The following CACNG2 variants were observed in gnomAD, a reference collection of about 807,000 sequenced individuals.
CACNG2 encodes the protein voltage-dependent calcium channel gamma-2 subunit.
CACNG2 carries 3 observed loss-of-function variants against 25.9 expected under a neutral mutation model. The observed-to-expected ratio is 0.12, with a 90% CI of 0.05 to 0.30. The LOEUF is 0.30. CACNG2 is among the 10% of genes least tolerant of loss of function. The pLI, the probability that CACNG2 is intolerant of heterozygous loss-of-function variation, is 1.00. For missense variants in CACNG2, 341 were observed against 432.5 expected (o/e 0.79, Z 1.88); for synonymous variants, 167 against 173.3 (o/e 0.96, Z 0.29).
intron 1 of CACNG2, among the ~76,000 whole-genome samples, chr22:36,626,651 T>TA (rs1450518398): frequency 6.6e-6 from 1 of 152,208 alleles, no homozygotes; most frequent in Non-Finnish European, 1.5e-5. Flanking sequence ...AGGAGCTTTT[T>TA]AAAGAGTCGA....
intron 1 of CACNG2, among the ~76,000 whole-genome samples, chr22:36,634,236 G>C (rs1467803910): frequency 6.6e-6 from 1 of 152,180 alleles, no homozygotes; most frequent in Non-Finnish European, 1.5e-5. Context: ...TTTTGGTTAG[G>C]TGTGACCACA....
chr22:36,566,047 CG>C (rs1569014364), intron 3 of CACNG2, among the ~76,000 whole-genome samples: 1 of 152,170 alleles, frequency 6.6e-6, no homozygotes, highest in African/African-American at 2.4e-5. Context: ...TTACTTGCAC[CG>C]GGAAGGGAAA....
intron 1 of CACNG2, among the ~76,000 whole-genome samples, chr22:36,587,974 C>A (rs568444315): frequency 6.6e-6 from 1 of 152,244 alleles, no homozygotes; most frequent in Non-Finnish European, 1.5e-5. Flanking sequence ...GGACACACCC[C>A]GCACTGGTGC....
intron 1 of CACNG2, among the ~76,000 whole-genome samples, chr22:36,645,536 CAAAAAAAAAAAAAAAAAA>C (rs200600420): frequency 0.73 from 99,193 of 136,064 alleles, 34,586 homozygotes; most frequent in East Asian, 0.86. Flanking sequence ...GACTCTGTCT[CAAAAAAAAAAAAAAAAAA>C]AAAAAAAAAA....
At chr22:36,677,097 A>C (rs182905317) in intron 1 of CACNG2, among the ~76,000 whole-genome samples, 1 of 152,288 alleles carries the variant, frequency 6.6e-6, no homozygotes, top group East Asian at 1.9e-4. Flanking sequence ...TCAGAAGAAA[A>C]ATAATAATGA....
chr22:36,647,181 C>T (rs762942140), intron 1 of CACNG2, among the ~76,000 whole-genome samples: 3 of 152,222 alleles, frequency 2.0e-5, no homozygotes, highest in Non-Finnish European at 2.9e-5. Context: ...TCCTCCCCAT[C>T]CTGGTCCAGG....
rs73171846 is a variant in CACNG2 at position 36,682,013 on chromosome 22, T to C, written c.211+20353A>G. ...TACCATCAGCCCATCTTCATGGTGC[T>C]CAGCCGTCAGGAGACTCTGAGAATT... On this transcript the variant is annotated intron_variant, in intron 1 of 3. Coordinates refer to ENST00000300105, the MANE Select transcript of CACNG2 (RefSeq NM_006078.5). Among the ~76,000 whole-genome samples, 467 of 152,312 alleles carry C rather than the reference T, an allele frequency of 3.1e-3. 1 individual carries two copies. The highest frequency in any genetic ancestry group is 5.3e-3 in the Non-Finnish European group (361 of 68,030).
intron 1 of CACNG2, among the ~76,000 whole-genome samples, chr22:36,668,123 G>T (rs762623312): frequency 7.2e-5 from 11 of 152,320 alleles, no homozygotes; most frequent in African/African-American, 9.6e-5. Flanking sequence ...CTGCAGCTCC[G>T]CATCCTGATG....
rs7285296 is a variant in CACNG2 at position 36,640,445 on chromosome 22, C to T, written c.212-52897G>A. 6.0e-3 allele frequency among the ~76,000 whole-genome samples: 916 copies of T among 152,312 alleles called. 16 individuals are homozygous for T. The highest frequency in any genetic ancestry group is 0.036 in the Admixed American group (558 of 15,296). On this transcript the variant is annotated intron_variant, in intron 1 of 3. Coordinates refer to ENST00000300105, the MANE Select transcript of CACNG2 (RefSeq NM_006078.5). ...TTCACGGAGGAGCAGTGCCTCTCTC[C>T]GCATGGTCACAGGAAGCTTGTGGCA...
At chr22:36,595,067 G>A (rs986164482) in intron 1 of CACNG2, among the ~76,000 whole-genome samples, 10 of 151,604 alleles carry the variant, frequency 6.6e-5, no homozygotes, top group African/African-American at 2.4e-4. Context: ...GTCTTTGTGT[G>A]TGTCTCTGTG....
chr22:36,612,803 A>G (rs1935964357), intron 1 of CACNG2, among the ~76,000 whole-genome samples: 1 of 152,232 alleles, frequency 6.6e-6, no homozygotes. Flanking sequence ...CAATGAATGA[A>G]TGAGAGAACC....
In CACNG2 at chr22:36,703,496, CG is replaced by C. The variant is rs1569057745; in HGVS notation, c.-921del. The C allele has an allele frequency of 6.6e-6, 1 of 152,222 alleles. No individual in the cohort carries two copies. Among genetic ancestry groups the C allele is most frequent in the Non-Finnish European group, 1.5e-5 (1 of 68,190 alleles). The allele number at this position is 152,222 out of a possible 1,614,324, so 9.4% of individuals were successfully genotyped here. A position where few individuals can be genotyped will look rare whatever the true frequency, so the allele number is the denominator to read the frequency against. ...CCCCACTCGCTACCGGCTGGGCGCC[CG>C]CGGAGGCGCTCCCACCTACTGCATT... On this transcript the variant is annotated 5_prime_UTR_variant, in exon 1 of 4. Coordinates refer to ENST00000300105, the MANE Select transcript of CACNG2 (RefSeq NM_006078.5).
intron 1 of CACNG2, among the ~76,000 whole-genome samples, chr22:36,595,343 A>G (rs1412308864): frequency 6.6e-6 from 1 of 152,078 alleles, no homozygotes; most frequent in East Asian, 1.9e-4. Context: ...TGCTCAAGGG[A>G]GCTCATCACC....
intron 1 of CACNG2, among the ~76,000 whole-genome samples, chr22:36,699,310 G>C (rs1400753971): frequency 3.3e-5 from 5 of 151,332 alleles, no homozygotes; most frequent in Non-Finnish European, 7.4e-5. Flanking sequence ...GAAAATAAGG[G>C]TGGTGGTTTT....
intron 1 of CACNG2, among the ~76,000 whole-genome samples, chr22:36,684,305 AGG>A (rs1003077048): frequency 8.5e-5 from 13 of 152,202 alleles, no homozygotes; most frequent in Non-Finnish European, 1.5e-5. Context: ...CGATTTAAAC[AGG>A]GGATCGATTT....
At chr22:36,696,897 G>A (rs1937349184) in intron 1 of CACNG2, among the ~76,000 whole-genome samples, 2 of 152,150 alleles carry the variant, frequency 1.3e-5, no homozygotes, top group South Asian at 4.2e-4. Context: ...GAGGGGTTGA[G>A]TAACTTGCCC....
At chr22:36,585,728 A>G (rs867054702) in intron 2 of CACNG2, among the ~76,000 whole-genome samples, 11 of 152,364 alleles carry the variant, frequency 7.2e-5, no homozygotes, top group Middle Eastern at 3.4e-3. Context: ...TGTTGGATTA[A>G]GTCAACTCAA....
chr22:36,649,411 T>C (rs9619627), intron 1 of CACNG2, among the ~76,000 whole-genome samples: 21,620 of 151,790 alleles, frequency 0.14, 4,163 homozygotes, highest in African/African-American at 0.44. Context: ...TCTGCTTCAG[T>C]CTCCCGAGTA....
intron 1 of CACNG2, among the ~76,000 whole-genome samples, chr22:36,652,635 T>C (rs938289662): frequency 2.0e-5 from 3 of 152,128 alleles, no homozygotes; most frequent in Non-Finnish European, 4.4e-5. Flanking sequence ...TGGTTATCAA[T>C]GTGCTGTTTT....
Sources: gnomAD v4.1 joint callset for allele counts (sites outside exome capture counted in the v4.1 genomes callset) on GRCh38, gnomAD v4.1.1 for gene constraint, MANE v1.5 for transcripts, NCBI Gene and HGNC (gene_info 2026-07-23, HGNC 2026-07-21) for gene names.